The following TJP2 variants were observed in gnomAD, a reference collection of about 807,000 sequenced individuals.
TJP2 encodes the protein tight junction protein 2, also known as Friedreich ataxia region gene X104 (tight junction protein ZO-2).
TJP2 carries 91 observed loss-of-function variants against 133.1 expected under a neutral mutation model. The ratio of observed to expected loss-of-function variants is 0.68; its 90% confidence interval spans 0.58 to 0.81. The LOEUF (loss-of-function observed/expected upper bound fraction) is 0.81, where lower values mean the gene tolerates loss of function less well. Among genes scored for constraint, TJP2 ranks in the 40% least tolerant of loss-of-function variants. The probability of loss-of-function intolerance (pLI) is 0.00; values close to 1 mark genes in which losing one functional copy is unlikely to be tolerated. For synonymous variants in TJP2, 592 were observed against 583.4 expected, an observed-to-expected ratio of 1.01 and a Z score of -0.21; for missense variants, 1,541 against 1,565.6, an observed-to-expected ratio of 0.98 and a Z score of 0.26.
At chr9:69,185,066 T>TC (rs2133023455) in intron 1 of TJP2, among the ~76,000 whole-genome samples, 1 of 149,378 alleles carries the variant, frequency 6.7e-6, no homozygotes, top group East Asian at 1.9e-4. Context: ...CTGATTTCTT[T>TC]TTTTTTTTTT....
At chr9:69,177,624 A>C (rs918489346) in intron 1 of TJP2, among the ~76,000 whole-genome samples, 2 of 151,602 alleles carry the variant, frequency 1.3e-5, no homozygotes, top group Non-Finnish European at 2.9e-5. Context: ...TGCAGTAGCT[A>C]GTTTTAATTT....
At chr9:69,218,063 T>C (rs1159832963) in intron 3 of TJP2, among the ~76,000 whole-genome samples, 194 bp from the exon 4 acceptor site, 1 of 152,204 alleles carries the variant, frequency 6.6e-6, no homozygotes, top group Non-Finnish European at 1.5e-5. Flanking sequence ...ACACTCAGAA[T>C]TGAGCTGTAT....
intron 1 of TJP2, among the ~76,000 whole-genome samples, chr9:69,183,016 C>T (rs573250307): frequency 3.3e-5 from 5 of 151,512 alleles, no homozygotes; most frequent in Non-Finnish European, 2.9e-5. Flanking sequence ...AGGCTGATCT[C>T]GAACTCCTGA....
intron 1 of TJP2, among the ~76,000 whole-genome samples, chr9:69,129,707 C>G (rs1034549094): frequency 6.6e-6 from 1 of 152,008 alleles, no homozygotes; most frequent in South Asian, 2.1e-4. Flanking sequence ...GAGGCCGAGG[C>G]GTGCGGATCA....
At position 69,236,389 on chromosome 9, in the gene TJP2, C is replaced by T. The variant is rs190847452; in HGVS notation, c.1991+151C>T. 1.1e-5 allele frequency: 9 copies of T among 784,922 alleles called. No homozygotes were observed. In the East Asian group the frequency reaches 2.4e-4, roughly 21 times the overall value. The allele number at this position is 784,922 out of a possible 1,614,324, so 48.6% of individuals were successfully genotyped here. A position where few individuals can be genotyped will look rare whatever the true frequency, so the allele number is the denominator to read the frequency against. On this transcript the variant is annotated intron_variant, in intron 13 of 22. Coordinates refer to ENST00000377245, the MANE Select transcript of TJP2 (RefSeq NM_004817.4). The stretch of plus-strand genomic sequence containing the variant: ...TCTTGTTTATGGAGAGTGGCCTGAA[C>T]TGTAAATAGCCACCAGCCAGTTTAT...
In TJP2 at chr9:69,254,385, A is replaced by C; in HGVS notation, c.*11A>C. On this transcript the variant is annotated 3_prime_UTR_variant, in exon 23 of 23. Coordinates refer to ENST00000377245, the MANE Select transcript of TJP2 (RefSeq NM_004817.4). ...GACACAGAATTATAGATGTCTGAGC[A>C]CGGACTCTCCCAGGCCTGCCTGCAT... 6.2e-7 allele frequency: 1 copy of C among 1,613,990 alleles called. No individual in the cohort carries two copies. Among genetic ancestry groups the C allele is most frequent in the South Asian group, 1.1e-5 (1 of 91,080 alleles).
intron 19 of TJP2, chr9:69,249,020 A>G: frequency 1.0e-6 from 1 of 1,003,238 alleles, no homozygotes; most frequent in Non-Finnish European, 1.2e-6. Context: ...AAGGGGGAGA[A>G]AAATACACCA....
At chr9:69,231,883 C>T (rs1285230186) in intron 11 of TJP2, among the ~76,000 whole-genome samples, 1 of 152,164 alleles carries the variant, frequency 6.6e-6, no homozygotes, top group South Asian at 2.1e-4. Flanking sequence ...AGGAAAAAGG[C>T]ATTTTTTCTA....
At position 69,185,660 on chromosome 9, in the gene TJP2, A is replaced by C. The variant is rs145971879; in HGVS notation, c.60+11228A>C. On this transcript the variant is annotated intron_variant, in intron 1 of 22. Transcript: ENST00000377245. ...TTTAAAGTCATTCCACTTTATTATT[A>C]ATAAAATAAAAGGTAATATATAAAT... Among the ~76,000 whole-genome samples the C allele has an allele frequency of 7.7e-3, 1,178 of 152,278 alleles. 16 individuals are homozygous for C. The highest frequency in any genetic ancestry group is 0.027 in the African/African-American group (1,120 of 41,546).
chr9:69,180,302 G>A (rs987953237), intron 1 of TJP2, among the ~76,000 whole-genome samples: 3 of 152,206 alleles, frequency 2.0e-5, no homozygotes, highest in South Asian at 4.1e-4. Flanking sequence ...TGGTGGAGAC[G>A]TGAGAACATT....
Position 69,232,337 on chromosome 9 carries a change from A to G in TJP2, c.1672-2102A>G, listed in dbSNP as rs75968483. Among the ~76,000 whole-genome samples, 101 of 152,330 alleles carry G rather than the reference A, an allele frequency of 6.6e-4. 1 individual carries two copies. In the East Asian group the frequency reaches 0.018, roughly 27 times the overall value. ...ACGAGGGCGGAGAAGCTGCTGCACAATACTAAGCTGTGGCTGATACAGGAT... is the reference window on the plus strand; with the variant it reads ...ACGAGGGCGGAGAAGCTGCTGCACAGTACTAAGCTGTGGCTGATACAGGAT... On this transcript the variant is annotated intron_variant, in intron 11 of 22. Coordinates refer to ENST00000377245, the MANE Select transcript of TJP2 (RefSeq NM_004817.4).
In TJP2 at chr9:69,254,419, A is replaced by G. The variant is rs756035773; in HGVS notation, c.*45A>G. The G allele has an allele frequency of 1.9e-6, 3 of 1,608,780 alleles. No homozygotes were observed. Among genetic ancestry groups the G allele is most frequent in the Non-Finnish European group, 2.5e-6 (3 of 1,178,928 alleles). On this transcript the variant is annotated 3_prime_UTR_variant, in exon 23 of 23. Transcript: ENST00000377245. ...CCCAGGCCTGCCTGCATGGCATCAG[A>G]CTAGCCACTCCTGCCAGGCCGCCGG...
chr9:69,190,829 C>G (rs985548069), intron 1 of TJP2, among the ~76,000 whole-genome samples: 2 of 152,216 alleles, frequency 1.3e-5, no homozygotes, highest in East Asian at 1.9e-4. Flanking sequence ...TGCCTGCTAG[C>G]TAAGAACTGT....
chr9:69,221,450 G>T lies in TJP2; in HGVS notation c.906G>T (p.Arg302=), dbSNP rs969006550. 1.0e-5 allele frequency: 16 copies of T among 1,595,978 alleles called. No homozygotes were observed. Among genetic ancestry groups the T allele is most frequent in the Admixed American group, 1.7e-5 (1 of 57,828 alleles). Residue 302 remains arginine, a synonymous_variant, in exon 5 of 23, where the codon CGG becomes CGT. Coordinates refer to ENST00000377245, the MANE Select transcript of TJP2 (RefSeq NM_004817.4). The stretch of plus-strand genomic sequence containing the variant: ...GCCCCAGCCCCGAGCCTAGGGGGCG[G>T]CCGGGGCCCATCGGGGTCCTCCTGA... ...SRSPSPEPRG[R]PGPIGVLLMK...
intron 2 of TJP2, 80 bp downstream of exon 2, chr9:69,212,681 A>G (rs1287368812): frequency 1.5e-6 from 2 of 1,296,354 alleles, no homozygotes; most frequent in Non-Finnish European, 2.2e-6. Flanking sequence ...TTTCACCTAC[A>G]CACAGTTTTG....
chr9:69,157,751 G>A (rs1587929037), intron 2 of TJP2, among the ~76,000 whole-genome samples: 1 of 151,994 alleles, frequency 6.6e-6, no homozygotes, highest in South Asian at 2.1e-4. Context: ...CAGCCACCAC[G>A]CCTGGTCCTT....
intron 1 of TJP2, among the ~76,000 whole-genome samples, chr9:69,183,149 T>C (rs1825633478): frequency 6.6e-6 from 1 of 152,190 alleles, no homozygotes; most frequent in African/African-American, 2.4e-5. Context: ...TGTACCATTT[T>C]AACCATTTTA....
chr9:69,216,232 A>G lies in TJP2; in HGVS notation c.115-107A>G, dbSNP rs1050846949. 7.9e-5 allele frequency: 108 copies of G among 1,362,000 alleles called. 2 individuals are homozygous for G. Among genetic ancestry groups the G allele is most frequent in the South Asian group, 6.7e-4 (55 of 81,800 alleles). 84.4% of individuals were successfully genotyped at this position (1,362,000 alleles called of 1,614,324 possible). A position where few individuals can be genotyped will look rare whatever the true frequency, so the allele number is the denominator to read the frequency against. ...GTTTCTGTAAGCCCATCTGTTCCTG[A>G]ACAGTCTCTGGTTATTGATTTGACC... On this transcript the variant is annotated intron_variant, in intron 2 of 22. Transcript: ENST00000377245.
At chr9:69,155,263 A>G (rs1372657510) in intron 2 of TJP2, among the ~76,000 whole-genome samples, 1 of 151,964 alleles carries the variant, frequency 6.6e-6, no homozygotes, top group Non-Finnish European at 1.5e-5. Context: ...AAAGAAAACA[A>G]AAGAAGTGAG....
Sources: allele counts gnomAD v4.1 joint callset (sites outside exome capture counted in the v4.1 genomes callset), GRCh38; gene constraint gnomAD v4.1.1; transcripts MANE v1.5; gene names NCBI Gene and HGNC (gene_info 2026-07-23, HGNC 2026-07-21).